The following TEAD1 variants were observed in gnomAD, a reference collection of about 807,000 sequenced individuals.
TEAD1 encodes the protein transcriptional enhancer factor TEF-1.
TEAD1 carries 9 observed loss-of-function variants against 54.9 expected under a neutral mutation model. The ratio of observed to expected loss-of-function variants is 0.16; its 90% confidence interval spans 0.10 to 0.29. TEAD1 has a LOEUF of 0.29. Among genes scored for constraint, TEAD1 ranks in the 10% least tolerant of loss-of-function variants. The pLI is 1.00. For missense variants in TEAD1, 387 were observed against 535.9 expected, an observed-to-expected ratio of 0.72 and a Z score of 2.74; for synonymous variants, 200 against 187.8, an observed-to-expected ratio of 1.07 and a Z score of -0.53.
At chr11:12,899,143 A>G (rs1183717720) in intron 9 of TEAD1, among the ~76,000 whole-genome samples, 1 of 152,186 alleles carries the variant, frequency 6.6e-6, no homozygotes, top group Non-Finnish European at 1.5e-5. Context: ...TGAGTCCCTA[A>G]GGCTTGTATC....
At chr11:12,754,704 G>A (rs1366094426) in intron 2 of TEAD1, among the ~76,000 whole-genome samples, 2 of 152,186 alleles carry the variant, frequency 1.3e-5, no homozygotes, top group African/African-American at 4.8e-5. Flanking sequence ...TGAATGTCAG[G>A]AGCTGTGGTT....
At chr11:12,755,333 C>T (rs530320883) in intron 2 of TEAD1, among the ~76,000 whole-genome samples, 10 of 152,244 alleles carry the variant, frequency 6.6e-5, no homozygotes, top group South Asian at 4.1e-4. Context: ...TGCTCATTGT[C>T]ATTTAAAATA....
At chr11:12,796,350 A>G (rs1315787249) in intron 3 of TEAD1, among the ~76,000 whole-genome samples, 1 of 152,206 alleles carries the variant, frequency 6.6e-6, no homozygotes, top group Non-Finnish European at 1.5e-5. Flanking sequence ...TCACTGAAAC[A>G]TATCATTTAT....
At position 12,879,698 on chromosome 11, in the gene TEAD1, C is replaced by T. The variant is rs763861781; in HGVS notation, c.331-10C>T. ...ATGTATTAAGTTGGTGTGTCACTGT[C>T]ACCTTCAAGGATCAGACTGCAAAGG... On this transcript the variant is annotated splice_polypyrimidine_tract_variant and intron_variant, in intron 5 of 12. Coordinates refer to ENST00000527636, the MANE Select transcript of TEAD1 (RefSeq NM_021961.6). 6.2e-7 allele frequency: 1 copy of T among 1,614,184 alleles called. No homozygotes were observed. The highest frequency in any genetic ancestry group is 8.5e-7 in the Non-Finnish European group (1 of 1,180,048).
chr11:12,930,394 G>A, intron 12 of TEAD1, 68 bp downstream of exon 12: 2 of 1,596,758 alleles, frequency 1.3e-6, no homozygotes, highest in South Asian at 1.1e-5. Flanking sequence ...TGAGGAAGGT[G>A]GGCCTGGGAG....
At chr11:12,815,331 A>G (rs1245935624) in intron 3 of TEAD1, among the ~76,000 whole-genome samples, 2 of 151,932 alleles carry the variant, frequency 1.3e-5, no homozygotes, top group African/African-American at 2.4e-5. Flanking sequence ...CATTTATAAC[A>G]TAACATAAAT....
At chr11:12,793,813 CT>C (rs1441337223) in intron 3 of TEAD1, among the ~76,000 whole-genome samples, 1 of 152,152 alleles carries the variant, frequency 6.6e-6, no homozygotes, top group Non-Finnish European at 1.5e-5. Context: ...GGGGATCTCA[CT>C]GAGTGCTGAC....
chr11:12,852,144 GA>G (rs1947287219), intron 3 of TEAD1, among the ~76,000 whole-genome samples: 1 of 152,204 alleles, frequency 6.6e-6, no homozygotes, highest in Admixed American at 6.5e-5. Flanking sequence ...GGTATCTTTG[GA>G]AAAGAATGAC....
chr11:12,869,073 A>G (rs555503911), intron 5 of TEAD1, among the ~76,000 whole-genome samples: 1 of 152,294 alleles, frequency 6.6e-6, no homozygotes, highest in Non-Finnish European at 1.5e-5. Flanking sequence ...AATTGGGGAC[A>G]TGCGGTGGGA....
At chr11:12,680,663 A>C (rs536209584) in intron 2 of TEAD1, among the ~76,000 whole-genome samples, 1 of 152,316 alleles carries the variant, frequency 6.6e-6, no homozygotes, top group East Asian at 1.9e-4. Flanking sequence ...GCATGCATGC[A>C]TTCTGCAGGT....
At chr11:12,888,022 T>C (rs1376878823) in intron 9 of TEAD1, among the ~76,000 whole-genome samples, 1 of 152,196 alleles carries the variant, frequency 6.6e-6, no homozygotes, top group Non-Finnish European at 1.5e-5. Context: ...AACTTATAGG[T>C]AGTGCTGGCA....
At chr11:12,932,560 C>A (rs906815500) in intron 12 of TEAD1, among the ~76,000 whole-genome samples, 2 of 152,074 alleles carry the variant, frequency 1.3e-5, no homozygotes, top group Non-Finnish European at 2.9e-5. Context: ...GCCCCTGTTA[C>A]CCACAGAACC....
chr11:12,919,277 G>A (rs569180044), intron 10 of TEAD1, among the ~76,000 whole-genome samples: 2 of 152,122 alleles, frequency 1.3e-5, no homozygotes, highest in Non-Finnish European at 2.9e-5. Context: ...GTTGTTTGGG[G>A]AGTTCTAAGA....
chr11:12,858,814 G>A (rs181904778), intron 3 of TEAD1, among the ~76,000 whole-genome samples: 7 of 152,272 alleles, frequency 4.6e-5, no homozygotes, highest in East Asian at 3.9e-4. Context: ...AACAGGATAC[G>A]TTCTGAGAAA....
intron 3 of TEAD1, among the ~76,000 whole-genome samples, chr11:12,764,950 G>A (rs949669846): frequency 1.3e-5 from 2 of 149,222 alleles, no homozygotes; most frequent in Non-Finnish European, 3.0e-5. Context: ...AAACAACTCT[G>A]TACAGGCCAG....
rs138304882 is a variant in TEAD1 at position 12,861,138 on chromosome 11, C to T, written c.203-1112C>T. Among the ~76,000 whole-genome samples, 3 of 152,306 alleles carry T rather than the reference C, an allele frequency of 2.0e-5. No individual in the cohort carries two copies. In the East Asian group the frequency reaches 5.8e-4, roughly 29 times the overall value. On this transcript the variant is annotated intron_variant, in intron 3 of 12. Transcript: ENST00000527636. ...ATAATTTCAGTTCCTGGTATTAGAG[C>T]AAGTTGAAGTCGTAAATAGGACCTG...
At chr11:12,879,145 C>G (rs953157991) in intron 5 of TEAD1, among the ~76,000 whole-genome samples, 1 of 152,158 alleles carries the variant, frequency 6.6e-6, no homozygotes, top group Non-Finnish European at 1.5e-5. Context: ...CCTGTTACCC[C>G]CAACCCCCGC....
intron 10 of TEAD1, among the ~76,000 whole-genome samples, chr11:12,921,557 T>A (rs1227100103): frequency 4.2e-5 from 5 of 118,936 alleles, no homozygotes; most frequent in South Asian, 2.7e-4. Flanking sequence ...AAAAAAAAAA[T>A]CTGGAACGTT....
At chr11:12,675,128 G>A (rs1204792239) in intron 1 of TEAD1, among the ~76,000 whole-genome samples, 1 of 148,412 alleles carries the variant, frequency 6.7e-6, no homozygotes, top group Non-Finnish European at 1.5e-5. Flanking sequence ...CCCCCCGCGC[G>A]CCCCCTCTCC....
Sources: allele counts gnomAD v4.1 joint callset (sites outside exome capture counted in the v4.1 genomes callset), GRCh38; gene constraint gnomAD v4.1.1; transcripts MANE v1.5; gene names NCBI Gene and HGNC (gene_info 2026-07-23, HGNC 2026-07-21).